The following RGS7 variants were observed in gnomAD, a reference collection of about 807,000 sequenced individuals.
RGS7 encodes regulator of G protein signaling 7, also known as regulator of G-protein signaling 7.
In RGS7, 27 loss-of-function variants were observed where a neutral mutation model predicts 81.1. That is an observed-to-expected ratio of 0.33 (90% CI 0.25 to 0.46). The LOEUF is 0.46. RGS7 is among the 20% of genes least tolerant of loss of function. The probability of loss-of-function intolerance (pLI) is 1.00; values close to 1 mark genes in which losing one functional copy is unlikely to be tolerated. For missense variants in RGS7, 396 were observed against 607.4 expected, an observed-to-expected ratio of 0.65 and a Z score of 3.66; for synonymous variants, 208 against 207.7, an observed-to-expected ratio of 1.00 and a Z score of -0.01.
intron 6 of RGS7, 151 bp from the exon 7 acceptor site, chr1:240,870,270 A>G (rs1664248428): frequency 1.4e-6 from 1 of 709,682 alleles, no homozygotes; most frequent in South Asian, 1.5e-5. Context: ...ATGTAATAAC[A>G]TTATTACTGA....
intron 2 of RGS7, among the ~76,000 whole-genome samples, chr1:241,308,399 G>C (rs986192718): frequency 2.0e-5 from 3 of 152,192 alleles, no homozygotes; most frequent in Non-Finnish European, 4.4e-5. Flanking sequence ...AGGAAGCATG[G>C]GGGCAATTTT....
intron 3 of RGS7, among the ~76,000 whole-genome samples, chr1:241,066,764 A>G (rs1040708495): frequency 6.6e-6 from 1 of 152,188 alleles, no homozygotes; most frequent in African/African-American, 2.4e-5. Flanking sequence ...AAACAAATCT[A>G]TTTACATGCA....
At chr1:240,902,596 T>A (rs1670192586) in intron 6 of RGS7, among the ~76,000 whole-genome samples, 1 of 152,172 alleles carries the variant, frequency 6.6e-6, no homozygotes, top group South Asian at 2.1e-4. Context: ...ATATTTTAAT[T>A]TTTTAAAAAT....
At chr1:241,185,405 A>T (rs1043769522) in intron 2 of RGS7, among the ~76,000 whole-genome samples, 1 of 152,210 alleles carries the variant, frequency 6.6e-6, no homozygotes, top group Non-Finnish European at 1.5e-5. Flanking sequence ...GGAGATTTCA[A>T]TTTCAACCAC....
rs548196462 is a variant in RGS7 at position 241,037,777 on chromosome 1, T to TACTCAGCCATAA, written c.176-54660_176-54649dup. ...GTGGTATATGTACACCGTGGAACAC[T>TACTCAGCCATAA]ACTCAGCCATAAAACAGAACGAAAT... On this transcript the variant is annotated intron_variant, in intron 3 of 18. Coordinates refer to ENST00000440928, the MANE Select transcript of RGS7 (RefSeq NM_001364886.1). Among the ~76,000 whole-genome samples, 120 of 150,454 alleles carry TACTCAGCCATAA rather than the reference T, an allele frequency of 8.0e-4. 2 individuals are homozygous for TACTCAGCCATAA. In the East Asian group the frequency reaches 0.021, roughly 27 times the overall value.
chr1:240,844,705 A>T lies in RGS7; in HGVS notation c.610-17533T>A, dbSNP rs867341832. On this transcript the variant is annotated intron_variant, in intron 9 of 18. Coordinates refer to ENST00000440928, the MANE Select transcript of RGS7 (RefSeq NM_001364886.1). ...ACTCATAGCGGCTTGTGATAGCCAGATTGTCAAAATATTTTTCAATCCAAA... is the reference window on the plus strand; with the variant it reads ...ACTCATAGCGGCTTGTGATAGCCAGTTTGTCAAAATATTTTTCAATCCAAA... 2.0e-5 allele frequency among the ~76,000 whole-genome samples: 3 copies of T among 152,366 alleles called. No homozygotes were observed. In the South Asian group the frequency reaches 6.2e-4, roughly 32 times the overall value.
intron 18 of RGS7, among the ~76,000 whole-genome samples, chr1:240,795,421 T>A (rs1293486218): frequency 1.3e-5 from 2 of 152,202 alleles, no homozygotes; most frequent in Admixed American, 1.3e-4. Flanking sequence ...AACATCTGAT[T>A]CCCACCTTCC....
chr1:241,239,054 C>T (rs747939305), intron 2 of RGS7, among the ~76,000 whole-genome samples: 36 of 150,762 alleles, frequency 2.4e-4, no homozygotes, highest in Non-Finnish European at 4.4e-4. Flanking sequence ...CTGCAACCTC[C>T]GCCTCCCGGG....
In RGS7 at chr1:240,835,675, C is replaced by T. The variant is rs113515114; in HGVS notation, c.610-8503G>A. On this transcript the variant is annotated intron_variant, in intron 9 of 18. Coordinates refer to ENST00000440928, the MANE Select transcript of RGS7 (RefSeq NM_001364886.1). ...TTGTTCTTCATAATTGCCGAAACTT[C>T]AAAGCAACCAAGATGTCCTTTAGTA... Among the ~76,000 whole-genome samples, 21 of 152,228 alleles carry T rather than the reference C, an allele frequency of 1.4e-4. 1 individual carries two copies. Among genetic ancestry groups the T allele is most frequent in the African/African-American group, 5.1e-4 (21 of 41,508 alleles).
At chr1:240,799,352 G>GTT (rs10714860) in intron 18 of RGS7, among the ~76,000 whole-genome samples, 56 of 142,492 alleles carry the variant, frequency 3.9e-4, no homozygotes, top group South Asian at 1.1e-3. Flanking sequence ...AATTCCAGTT[G>GTT]TTTTTTTTTT....
At chr1:240,795,009 C>T (rs1686771370) in intron 18 of RGS7, among the ~76,000 whole-genome samples, 1 of 151,962 alleles carries the variant, frequency 6.6e-6, no homozygotes, top group Admixed American at 6.6e-5. Flanking sequence ...ATGGAGAAAC[C>T]CCGTCTCTAC....
intron 3 of RGS7, among the ~76,000 whole-genome samples, chr1:241,094,045 T>A (rs1241038942): frequency 3.3e-5 from 5 of 152,196 alleles, no homozygotes; most frequent in African/African-American, 1.2e-4. Flanking sequence ...TGCAGACTGC[T>A]GGACTGTGCC....
chr1:240,900,443 T>C (rs1669800224), intron 6 of RGS7, among the ~76,000 whole-genome samples: 1 of 152,192 alleles, frequency 6.6e-6, no homozygotes, highest in African/African-American at 2.4e-5. Flanking sequence ...CTTTGGTCTT[T>C]GATGATGGTG....
chr1:241,216,959 C>T (rs369458381), intron 2 of RGS7, among the ~76,000 whole-genome samples: 20 of 152,278 alleles, frequency 1.3e-4, no homozygotes, highest in Middle Eastern at 3.4e-3. Flanking sequence ...TTATTTGAGC[C>T]ATTTCATTAT....
chr1:240,973,458 C>T (rs1683565558), intron 4 of RGS7, among the ~76,000 whole-genome samples: 1 of 151,380 alleles, frequency 6.6e-6, no homozygotes, highest in African/African-American at 2.4e-5. Flanking sequence ...TACAGTGAGC[C>T]GAGATCACGC....
At chr1:241,026,476 C>G (rs963836693) in intron 3 of RGS7, among the ~76,000 whole-genome samples, 1 of 151,974 alleles carries the variant, frequency 6.6e-6, no homozygotes, top group Non-Finnish European at 1.5e-5. Flanking sequence ...GTAATTCCAG[C>G]TACTCGGGAG....
At chr1:240,904,346 T>G (rs1234081331) in intron 6 of RGS7, among the ~76,000 whole-genome samples, 1 of 152,240 alleles carries the variant, frequency 6.6e-6, no homozygotes, top group Non-Finnish European at 1.5e-5. Flanking sequence ...GCATTTTGTG[T>G]GTGGTCTATG....
At chr1:241,287,444 T>C (rs2078873653) in intron 2 of RGS7, among the ~76,000 whole-genome samples, 1 of 152,222 alleles carries the variant, frequency 6.6e-6, no homozygotes, top group Non-Finnish European at 1.5e-5. Flanking sequence ...TCTTGCCTGC[T>C]GTCACTTAAG....
intron 3 of RGS7, among the ~76,000 whole-genome samples, chr1:241,086,123 T>C (rs2063428506): frequency 1.3e-5 from 2 of 152,220 alleles, no homozygotes; most frequent in African/African-American, 4.8e-5. Flanking sequence ...CATGTATTCA[T>C]TGGTTTCAAA....
Sources: allele counts gnomAD v4.1 joint callset (sites outside exome capture counted in the v4.1 genomes callset), GRCh38; gene constraint gnomAD v4.1.1; transcripts MANE v1.5; gene names NCBI Gene and HGNC (gene_info 2026-07-23, HGNC 2026-07-21).